The following CYP2C18 variants were observed in gnomAD, a reference collection of about 807,000 sequenced individuals.
CYP2C18 encodes the protein cytochrome P450 2C18.
In CYP2C18, 38 loss-of-function variants were observed where a neutral mutation model predicts 41.3. The observed-to-expected ratio is 0.92, with a 90% CI of 0.71 to 1.21. The LOEUF (loss-of-function observed/expected upper bound fraction) is 1.21. Ranked by LOEUF, CYP2C18 falls within the 50% of genes most tolerant of loss-of-function variation. The probability of loss-of-function intolerance (pLI) is 0.00; values close to 1 mark genes in which losing one functional copy is unlikely to be tolerated. For missense variants in CYP2C18, 635 were observed against 591.4 expected, an observed-to-expected ratio of 1.07 and a Z score of -0.77; for synonymous variants, 236 against 210.0, an observed-to-expected ratio of 1.12 and a Z score of -1.07.
intron 7 of CYP2C18, among the ~76,000 whole-genome samples, chr10:94,731,036 A>T (rs922885035): frequency 2.6e-5 from 4 of 152,200 alleles, no homozygotes; most frequent in African/African-American, 9.6e-5. Flanking sequence ...TGACAAAAAC[A>T]AATGGAAAAG....
chr10:94,690,012 G>T (rs1036728013), intron 3 of CYP2C18, among the ~76,000 whole-genome samples: 2 of 152,042 alleles, frequency 1.3e-5, no homozygotes, highest in African/African-American at 2.4e-5. Context: ...TTTTGCTCTT[G>T]CTGCCTCCTG....
At chr10:94,705,320 A>G (rs1374828287) in intron 4 of CYP2C18, among the ~76,000 whole-genome samples, 3 of 152,154 alleles carry the variant, frequency 2.0e-5, no homozygotes, top group African/African-American at 7.2e-5. Flanking sequence ...AGGAGAACAC[A>G]TGGACCCAGG....
Position 94,720,489 on chromosome 10 carries a change from A to G in CYP2C18, c.913A>G (p.Thr305Ala). ...FGAGTETTST[T>A]LRYGLLLLLK... is the part of the protein sequence containing the mutation. ...GGCTGGAACAGAGACAACGAGCACC[A>G]CTCTGAGATATGGACTCCTGCTCCT... The change falls in exon 6 of 9, where the codon ACT (threonine) becomes GCT (alanine). Residue 305 changes from threonine to alanine, a missense_variant. Transcript: ENST00000285979. 3 of 1,613,390 alleles carry G rather than the reference A, an allele frequency of 1.9e-6. No homozygotes were observed. Among genetic ancestry groups the G allele is most frequent in the East Asian group, 2.2e-5 (1 of 44,830 alleles).
chr10:94,701,911 G>C, intron 4 of CYP2C18, among the ~76,000 whole-genome samples: 1 of 152,166 alleles, frequency 6.6e-6, no homozygotes, highest in East Asian at 1.9e-4. Context: ...TCACTGGGCA[G>C]TGGCATTACA....
chr10:94,684,498 A>G (rs531313793), intron 1 of CYP2C18, among the ~76,000 whole-genome samples: 2 of 152,314 alleles, frequency 1.3e-5, no homozygotes, highest in Admixed American at 1.3e-4. Flanking sequence ...GATGTTCTGT[A>G]GATTCATCCA....
intron 5 of CYP2C18, among the ~76,000 whole-genome samples, chr10:94,708,454 G>A (rs370725510): frequency 4.6e-5 from 7 of 152,200 alleles, no homozygotes; most frequent in African/African-American, 1.7e-4. Flanking sequence ...CCAGGTTAAG[G>A]AGAATTGTAA....
intron 4 of CYP2C18, among the ~76,000 whole-genome samples, chr10:94,696,349 C>T (rs937161898): frequency 1.3e-5 from 2 of 152,228 alleles, no homozygotes; most frequent in African/African-American, 4.8e-5. Context: ...GCAACCTCTG[C>T]TGCTGATACC....
chr10:94,692,883 A>G (rs1419975335), intron 3 of CYP2C18, among the ~76,000 whole-genome samples: 1 of 152,160 alleles, frequency 6.6e-6, no homozygotes, highest in Non-Finnish European at 1.5e-5. Flanking sequence ...GACATGAATG[A>G]AGCTGGAAAC....
chr10:94,707,533 G>A (rs1440723730), intron 5 of CYP2C18, among the ~76,000 whole-genome samples: 1 of 152,138 alleles, frequency 6.6e-6, no homozygotes, highest in Non-Finnish European at 1.5e-5. Flanking sequence ...TGCTGGCATG[G>A]AGAGTTTTGA....
chr10:94,689,725 C>T (rs994216055), intron 3 of CYP2C18, among the ~76,000 whole-genome samples: 11 of 152,062 alleles, frequency 7.2e-5, no homozygotes, highest in East Asian at 1.9e-4. Context: ...AAAAAAGGTC[C>T]GTACATGTTC....
chr10:94,700,811 T>C lies in CYP2C18; in HGVS notation c.642+5734T>C, dbSNP rs192529405. On this transcript the variant is annotated intron_variant, in intron 4 of 8. Coordinates refer to ENST00000285979, the MANE Select transcript of CYP2C18 (RefSeq NM_000772.3). ...AACCCCATCAAAAAGTGGGCAAAGG[T>C]TATGAACAGACACTTCTCAAAAGAA... 5.5e-4 allele frequency among the ~76,000 whole-genome samples: 84 copies of C among 152,154 alleles called. No individual in the cohort carries two copies. In the East Asian group the frequency reaches 0.013, roughly 23 times the overall value.
intron 6 of CYP2C18, among the ~76,000 whole-genome samples, chr10:94,722,529 G>A (rs200369507): frequency 1.2e-4 from 18 of 152,280 alleles, no homozygotes; most frequent in African/African-American, 4.1e-4. Context: ...CAATTTGGCA[G>A]AGAGATTGAA....
intron 4 of CYP2C18, among the ~76,000 whole-genome samples, chr10:94,704,574 AAAGG>A (rs1443858144): frequency 6.6e-6 from 1 of 152,054 alleles, no homozygotes. Flanking sequence ...ATGAAGGAAG[AAAGG>A]AAGGAAGGAA....
intron 5 of CYP2C18, among the ~76,000 whole-genome samples, chr10:94,717,383 A>G (rs776726402): frequency 5.9e-5 from 9 of 152,124 alleles, no homozygotes; most frequent in Non-Finnish European, 8.8e-5. Context: ...CATGGTGGTG[A>G]CAAAATCTCT....
chr10:94,693,329 CT>C (rs1034035233), intron 3 of CYP2C18, among the ~76,000 whole-genome samples: 1 of 152,080 alleles, frequency 6.6e-6, no homozygotes, highest in African/African-American at 2.4e-5. Flanking sequence ...TCCCACCTCC[CT>C]TTTTTGCTTT....
intron 4 of CYP2C18, among the ~76,000 whole-genome samples, chr10:94,701,771 A>C (rs190342235): frequency 1.3e-5 from 2 of 152,286 alleles, no homozygotes; most frequent in African/African-American, 4.8e-5. Context: ...AAAGCACACT[A>C]AGCTGGGAGT....
chr10:94,692,712 A>G (rs1468519235), intron 3 of CYP2C18, among the ~76,000 whole-genome samples: 1 of 152,224 alleles, frequency 6.6e-6, no homozygotes, highest in Non-Finnish European at 1.5e-5. Flanking sequence ...CTATAAAGAC[A>G]CATGCACAGG....
In CYP2C18 at chr10:94,704,208, G is replaced by GTA. The variant is rs538685482; in HGVS notation, c.643-2574_643-2573dup. Among the ~76,000 whole-genome samples, 293 of 152,166 alleles carry GTA rather than the reference G, an allele frequency of 1.9e-3. 1 individual carries two copies. In the South Asian group the frequency reaches 0.029, roughly 15 times the overall value. ...TGCCCCAATCCCAGTCCAGAACTTT[G>GTA]TATGTACCAAGCTGTGAAGTGAATG... On this transcript the variant is annotated intron_variant, in intron 4 of 8. Transcript: ENST00000285979.
chr10:94,700,079 T>A (rs1159812899), intron 4 of CYP2C18, among the ~76,000 whole-genome samples: 1 of 152,176 alleles, frequency 6.6e-6, no homozygotes, highest in Non-Finnish European at 1.5e-5. Context: ...TTCAATGTCA[T>A]TTCCATCAAT....
Sources: gnomAD v4.1 joint callset for allele counts (sites outside exome capture counted in the v4.1 genomes callset) on GRCh38, gnomAD v4.1.1 for gene constraint, MANE v1.5 for transcripts, NCBI Gene and HGNC (gene_info 2026-07-23, HGNC 2026-07-21) for gene names.